The following SRRM4 variants were observed in gnomAD, a reference collection of about 807,000 sequenced individuals.
The protein encoded by SRRM4 is serine/arginine repetitive matrix 4.
A neutral mutation model predicts 68.9 loss-of-function variants in SRRM4; 33 were observed. The observed-to-expected ratio is 0.48, with a 90% CI of 0.36 to 0.64. SRRM4 has a LOEUF of 0.64. Ranked by LOEUF, SRRM4 falls within the 30% of genes least tolerant of loss-of-function variation. The probability of loss-of-function intolerance (pLI) is 0.00; values close to 1 mark genes in which losing one functional copy is unlikely to be tolerated. For synonymous variants in SRRM4, 318 were observed against 318.8 expected (o/e 1.00, Z 0.03); for missense variants, 817 against 827.1 (o/e 0.99, Z 0.15).
At chr12:119,014,806 G>T (rs1953471162) in intron 1 of SRRM4, among the ~76,000 whole-genome samples, 1 of 152,086 alleles carries the variant, frequency 6.6e-6, no homozygotes, top group Admixed American at 6.6e-5. Flanking sequence ...CTGAAACCAT[G>T]GGAATATCTT....
chr12:119,109,882 C>A (rs1954131596), intron 2 of SRRM4, among the ~76,000 whole-genome samples: 1 of 152,226 alleles, frequency 6.6e-6, no homozygotes, highest in Admixed American at 6.5e-5. Context: ...AGCTGCGTTC[C>A]TTTGGAGGAG....
chr12:119,061,913 AT>A (rs1412345726), intron 1 of SRRM4, among the ~76,000 whole-genome samples: 1 of 152,152 alleles, frequency 6.6e-6, no homozygotes, highest in Non-Finnish European at 1.5e-5. Flanking sequence ...GGGAAAAAAT[AT>A]CCCACCTCCA....
In SRRM4 at chr12:119,070,306, G is replaced by T. The variant is rs58010471; in HGVS notation, c.132-31930G>T. Among the ~76,000 whole-genome samples, 1,340 of 151,956 alleles carry T rather than the reference G, an allele frequency of 8.8e-3. 21 individuals are homozygous for T. Among genetic ancestry groups the T allele is most frequent in the African/African-American group, 0.031 (1,272 of 41,434 alleles). ...ACGTTCATTCAATGTCTATTTATTG[G>T]GCCAAGCACTGTTCTAAGCATGAGG... On this transcript the variant is annotated intron_variant, in intron 1 of 12. Transcript: ENST00000267260.
chr12:119,028,964 T>C (rs559853950), intron 1 of SRRM4, among the ~76,000 whole-genome samples: 2 of 152,212 alleles, frequency 1.3e-5, no homozygotes, highest in East Asian at 1.9e-4. Flanking sequence ...ACAGTGAGAA[T>C]TGCTCCATAA....
At chr12:119,095,422 G>A (rs897239790) in intron 1 of SRRM4, among the ~76,000 whole-genome samples, 4 of 152,162 alleles carry the variant, frequency 2.6e-5, no homozygotes, top group African/African-American at 4.8e-5. Flanking sequence ...AAGTACCTGG[G>A]CCATGATCTC....
In SRRM4 at chr12:119,145,386, T is replaced by C. The variant is rs762269022; in HGVS notation, c.777T>C (p.Thr259=). The stretch of plus-strand genomic sequence containing the variant: ...ACGGGTCTTTTTGCTTTCAGATCAC[T>C]GGGTCGGGGTCTGCTGCTGACCTCT... ...LGYLSARGVI[T]GSGSAADLFT... Residue 259 remains threonine, a synonymous_variant, in exon 9 of 13, where the codon ACT becomes ACC. Coordinates refer to ENST00000267260, the MANE Select transcript of SRRM4 (RefSeq NM_194286.4). The C allele has an allele frequency of 1.9e-6, 3 of 1,601,862 alleles. No individual in the cohort carries two copies. The highest frequency in any genetic ancestry group is 2.3e-5 in the South Asian group (2 of 88,790).
At chr12:119,043,775 T>TACACACACAC (rs58053550) in intron 1 of SRRM4, among the ~76,000 whole-genome samples, 34,622 of 141,400 alleles carry the variant, frequency 0.24, 4,440 homozygotes, top group Non-Finnish European at 0.28. Flanking sequence ...CATACACGCA[T>TACACACACAC]ACACACACAC....
intron 1 of SRRM4, among the ~76,000 whole-genome samples, chr12:119,058,194 T>A (rs1026721196): frequency 2.0e-5 from 3 of 152,230 alleles, no homozygotes; most frequent in Non-Finnish European, 4.4e-5. Context: ...CTGCTAGGTA[T>A]TATACATTTT....
chr12:119,146,265 T>C (rs1028681218), intron 9 of SRRM4, among the ~76,000 whole-genome samples: 4 of 152,106 alleles, frequency 2.6e-5, no homozygotes, highest in African/African-American at 9.7e-5. Context: ...AAAAAACAGA[T>C]GACAATTTTA....
intron 1 of SRRM4, among the ~76,000 whole-genome samples, chr12:118,998,268 CAAAAAAAAA>C (rs35250419): frequency 0.045 from 1,649 of 36,616 alleles, 13 homozygotes; most frequent in Middle Eastern, 0.12. Flanking sequence ...AGCAATATGG[CAAAAAAAAA>C]AAAAAAAAAA....
At chr12:119,084,406 C>G (rs956489321) in intron 1 of SRRM4, among the ~76,000 whole-genome samples, 1 of 152,182 alleles carries the variant, frequency 6.6e-6, no homozygotes, top group South Asian at 2.1e-4. Flanking sequence ...GCATCCTCTG[C>G]GGAAACCCAT....
At chr12:119,013,275 A>T in intron 1 of SRRM4, among the ~76,000 whole-genome samples, 1 of 152,052 alleles carries the variant, frequency 6.6e-6, no homozygotes, top group South Asian at 2.1e-4. Context: ...GAGAAAAATC[A>T]GGCCCAGAGA....
At position 119,130,695 on chromosome 12, in the gene SRRM4, C is replaced by T. The variant is rs1954291646; in HGVS notation, c.632C>T (p.Pro211Leu). Residue 211 changes from proline to leucine, a missense_variant, in exon 8 of 13, where the codon CCT (proline) becomes CTT (leucine). By Grantham distance (98) the Pro-to-Leu change is moderately conservative (BLOSUM62 -3). Transcript: ENST00000267260. ...SCESRHRGRS[P>L]EEGQKSRRRH... ...ATCCCCAGGCACCGCGGCCGGTCCC[C>T]TGAGGAAGGGCAGAAGTCCCGCCGA... 1 of 1,611,320 alleles carries T rather than the reference C, an allele frequency of 6.2e-7. No homozygotes were observed. Among genetic ancestry groups the T allele is most frequent in the Non-Finnish European group, 8.5e-7 (1 of 1,179,656 alleles).
At position 119,123,591 on chromosome 12, in the gene SRRM4, T is replaced by C. The variant is rs147880529; in HGVS notation, c.515+1471T>C. Reference sequence around the variant, plus strand: ...CAAGAGCTGGATGAGCCCCAGAAATTGCTAGCAGGGCATCAGAAAGCTTGT... The same window carrying C: ...CAAGAGCTGGATGAGCCCCAGAAATCGCTAGCAGGGCATCAGAAAGCTTGT... On this transcript the variant is annotated intron_variant, in intron 6 of 12. Coordinates refer to ENST00000267260, the MANE Select transcript of SRRM4 (RefSeq NM_194286.4). Among the ~76,000 whole-genome samples, 92 of 151,782 alleles carry C rather than the reference T, an allele frequency of 6.1e-4. No homozygotes were observed. The Middle Eastern group carries it at 0.014, about 22-fold the overall frequency.
chr12:119,110,940 G>A (rs147775995), intron 2 of SRRM4, among the ~76,000 whole-genome samples: 373 of 152,162 alleles, frequency 2.5e-3, no homozygotes, highest in Admixed American at 4.5e-3. Context: ...CTTCCTATTC[G>A]GCCACCTTGG....
intron 1 of SRRM4, among the ~76,000 whole-genome samples, chr12:119,096,438 C>A (rs1954045200): frequency 6.6e-6 from 1 of 152,122 alleles, no homozygotes; most frequent in South Asian, 2.1e-4. Flanking sequence ...AATGCTGGCT[C>A]ATGGGTTTCT....
chr12:119,025,089 G>A (rs1953539352), intron 1 of SRRM4, among the ~76,000 whole-genome samples: 2 of 152,160 alleles, frequency 1.3e-5, no homozygotes, highest in African/African-American at 4.8e-5. Flanking sequence ...TCAGTGCAGA[G>A]ACACGTAACC....
At chr12:119,104,712 A>G (rs1020885592) in intron 2 of SRRM4, among the ~76,000 whole-genome samples, 3 of 152,000 alleles carry the variant, frequency 2.0e-5, no homozygotes, top group African/African-American at 7.2e-5. Context: ...TAGGTTTGTC[A>G]GCTTCTGGAC....
At chr12:119,046,659 T>G (rs894214832) in intron 1 of SRRM4, among the ~76,000 whole-genome samples, 2 of 152,208 alleles carry the variant, frequency 1.3e-5, no homozygotes, top group African/African-American at 4.8e-5. Flanking sequence ...TCTCTGTTGC[T>G]GTTTTGTGTT....
Sources: allele counts gnomAD v4.1 joint callset (sites outside exome capture counted in the v4.1 genomes callset), GRCh38; gene constraint gnomAD v4.1.1; transcripts MANE v1.5; gene names NCBI Gene and HGNC (gene_info 2026-07-23, HGNC 2026-07-21).